Variants in SNX7 observed in about 807,000 individuals in gnomAD.
The protein encoded by SNX7 is sorting nexin-7.
Under a neutral mutation model 48.4 loss-of-function variants are expected in SNX7, and 35 were observed. The ratio of observed to expected loss-of-function variants is 0.72; its 90% CI spans 0.55 to 0.96. The LOEUF is 0.96. Among genes scored for constraint, SNX7 ranks in the 40% least tolerant of loss-of-function variants. The probability of loss-of-function intolerance (pLI) is 0.00; values close to 1 mark genes in which losing one functional copy is unlikely to be tolerated. For synonymous variants in SNX7, 190 were observed against 190.2 expected (o/e 1.00, Z 0.01); for missense variants, 553 against 548.9 (o/e 1.01, Z -0.07).
intron 1 of SNX7, among the ~76,000 whole-genome samples, chr1:98,665,837 G>A (rs569061165): frequency 2.1e-4 from 32 of 152,166 alleles, no homozygotes; most frequent in African/African-American, 6.5e-4. Context: ...TGATCCACCC[G>A]TCTCGGCCTC....
At chr1:98,730,646 G>A (rs532304590) in intron 7 of SNX7, among the ~76,000 whole-genome samples, 19 of 151,890 alleles carry the variant, frequency 1.3e-4, no homozygotes, top group Non-Finnish European at 1.8e-4. Flanking sequence ...ATGAATTCCC[G>A]TTCACAGTTT....
At chr1:98,711,532 A>G (rs1652305679) in intron 7 of SNX7, among the ~76,000 whole-genome samples, 1 of 152,232 alleles carries the variant, frequency 6.6e-6, no homozygotes, top group Non-Finnish European at 1.5e-5. Context: ...ACTATACTGT[A>G]GTCTATTAAA....
At chr1:98,758,750 G>C (rs1654977419) in intron 8 of SNX7, among the ~76,000 whole-genome samples, 1 of 151,788 alleles carries the variant, frequency 6.6e-6, no homozygotes, top group Non-Finnish European at 1.5e-5. Context: ...TGACAATTAG[G>C]TCTTTCAGTG....
In SNX7 at chr1:98,685,051, A is replaced by G. The variant is rs1423666217; in HGVS notation, c.347A>G (p.Tyr116Cys). The G allele has an allele frequency of 5.2e-6, 8 of 1,531,058 alleles. No homozygotes were observed. The highest frequency in any genetic ancestry group is 7.1e-6 in the Non-Finnish European group (8 of 1,132,916). 94.8% of individuals were successfully genotyped at this position (1,531,058 alleles called of 1,614,324 possible). ...ACTACAATAGAAACTTTCATTACGTATAGGATTATTACTAAGGTAAACATT... is the reference window on the plus strand; with the variant it reads ...ACTACAATAGAAACTTTCATTACGTGTAGGATTATTACTAAGGTAAACATT... The part of the protein sequence containing the change: ...HVTTIETFIT[Y>C]RIITKTSRGE... Residue 116 changes from tyrosine to cysteine, a missense_variant, in exon 2 of 9, where the codon TAT (tyrosine) becomes TGT (cysteine). Tyr to Cys is a radical substitution (Grantham distance 194). Coordinates refer to ENST00000306121, the MANE Select transcript of SNX7 (RefSeq NM_015976.5).
intron 4 of SNX7, among the ~76,000 whole-genome samples, chr1:98,694,464 T>C (rs115459282): frequency 0.022 from 3,368 of 152,000 alleles, 73 homozygotes; most frequent in Non-Finnish European, 0.029. Flanking sequence ...AAGTGCTATG[T>C]TCAGGTAGTA....
At position 98,691,906 on chromosome 1, in the gene SNX7, CAT is replaced by C. The variant is rs140633696; in HGVS notation, c.639+215_639+216del. 3.1e-4 allele frequency among the ~76,000 whole-genome samples: 35 copies of C among 112,970 alleles called. 1 individual carries two copies. In the South Asian group the frequency reaches 9.7e-3, roughly 31 times the overall value. The allele number at this position is 112,970 out of a possible 152,430, so 74.1% of individuals were successfully genotyped here. A position where few individuals can be genotyped will look rare whatever the true frequency, so the allele number is the denominator to read the frequency against. ...TATTACAGAAATCTTGTATCTTCTC[CAT>C]ATATATACACACACACACACACACA... On this transcript the variant is annotated intron_variant, in intron 4 of 8. Transcript: ENST00000306121.
rs528401706 is a variant in SNX7 at position 98,721,136 on chromosome 1, C to G, written c.1126-17101C>G. Among the ~76,000 whole-genome samples the G allele has an allele frequency of 6.2e-4, 95 of 152,124 alleles. 1 individual carries two copies. The South Asian group carries it at 0.019, about 30-fold the overall frequency. On this transcript the variant is annotated intron_variant, in intron 7 of 8. Transcript: ENST00000306121. ...GCATTTCTCCAAAACCCAAAATGCT[C>G]CAAAATCTGGTACTTTTTGAGTACT...
At chr1:98,668,266 T>C (rs1649650270) in intron 1 of SNX7, among the ~76,000 whole-genome samples, 2 of 152,174 alleles carry the variant, frequency 1.3e-5, no homozygotes. Flanking sequence ...ACAAATGACA[T>C]GATATTGAAT....
At chr1:98,737,348 T>C (rs1004334316) in intron 7 of SNX7, among the ~76,000 whole-genome samples, 1 of 152,190 alleles carries the variant, frequency 6.6e-6, no homozygotes, top group Non-Finnish European at 1.5e-5. Context: ...TAGCATTTAT[T>C]ACCAGCTGAC....
intron 7 of SNX7, among the ~76,000 whole-genome samples, chr1:98,713,695 G>A (rs2100994601): frequency 6.6e-6 from 1 of 152,154 alleles, no homozygotes; most frequent in South Asian, 2.1e-4. Context: ...GTTATTAATT[G>A]GTCATATTTC....
At chr1:98,703,158 A>G (rs1175011523) in intron 7 of SNX7, among the ~76,000 whole-genome samples, 1 of 152,054 alleles carries the variant, frequency 6.6e-6, no homozygotes, top group African/African-American at 2.4e-5. Flanking sequence ...TGCCTGGCAC[A>G]TGGTAGTCAC....
At chr1:98,727,528 G>A (rs538173749) in intron 7 of SNX7, among the ~76,000 whole-genome samples, 16 of 152,252 alleles carry the variant, frequency 1.1e-4, no homozygotes, top group Admixed American at 9.2e-4. Flanking sequence ...GGCTGAGACG[G>A]ATGAACTGAC....
At chr1:98,682,267 A>G (rs528337225) in intron 1 of SNX7, among the ~76,000 whole-genome samples, 1 of 150,878 alleles carries the variant, frequency 6.6e-6, no homozygotes, top group East Asian at 2.0e-4. Flanking sequence ...TACCCTGGAT[A>G]TTTATTTTCC....
intron 7 of SNX7, among the ~76,000 whole-genome samples, chr1:98,732,669 A>C (rs1186843772): frequency 6.6e-6 from 1 of 152,124 alleles, no homozygotes. Flanking sequence ...TCGGTAAGTC[A>C]AGAGCATCCA....
intron 4 of SNX7, among the ~76,000 whole-genome samples, chr1:98,694,355 G>A (rs1340280746): frequency 4.1e-5 from 6 of 146,598 alleles, no homozygotes; most frequent in Non-Finnish European, 7.4e-5. Context: ...GGGCGAAAGA[G>A]CGAGACTCCG....
At chr1:98,717,341 A>G (rs1367924311) in intron 7 of SNX7, among the ~76,000 whole-genome samples, 1 of 152,144 alleles carries the variant, frequency 6.6e-6, no homozygotes. Flanking sequence ...TGTTTTATAA[A>G]TGTCACAGTT....
At chr1:98,725,733 T>A (rs1653130574) in intron 7 of SNX7, among the ~76,000 whole-genome samples, 1 of 152,116 alleles carries the variant, frequency 6.6e-6, no homozygotes, top group South Asian at 2.1e-4. Context: ...CATTCCATAA[T>A]TTGCAAGACA....
chr1:98,663,553 T>C (rs1649383754), intron 1 of SNX7, among the ~76,000 whole-genome samples: 1 of 151,962 alleles, frequency 6.6e-6, no homozygotes, highest in African/African-American at 2.4e-5. Flanking sequence ...CTGGGCGTGT[T>C]GGGGGTTGCT....
intron 7 of SNX7, among the ~76,000 whole-genome samples, chr1:98,718,500 A>G (rs6683801): frequency 0.26 from 40,121 of 151,988 alleles, 5,628 homozygotes; most frequent in Middle Eastern, 0.31. Context: ...TCAACATTTC[A>G]TTCATCCCGT....
Sources: allele counts gnomAD v4.1 joint callset (sites outside exome capture counted in the v4.1 genomes callset), GRCh38; gene constraint gnomAD v4.1.1; transcripts MANE v1.5; gene names NCBI Gene and HGNC (gene_info 2026-07-23, HGNC 2026-07-21).